The following KIAA0513 variants were observed in gnomAD, a reference collection of about 807,000 sequenced individuals.
KIAA0513 encodes uncharacterized protein KIAA0513.
Under a neutral mutation model 56.5 loss-of-function variants are expected in KIAA0513, and 39 were observed. The ratio of observed to expected loss-of-function variants is 0.69; its 90% confidence interval spans 0.53 to 0.90. KIAA0513 has a LOEUF of 0.90. KIAA0513 is among the 40% of genes least tolerant of loss of function. The probability of loss-of-function intolerance (pLI) is 0.00; values close to 1 mark genes in which losing one functional copy is unlikely to be tolerated. For synonymous variants in KIAA0513, 268 were observed against 215.6 expected (o/e 1.24, Z -2.13); for missense variants, 591 against 535.2 (o/e 1.10, Z -1.03).
intron 4 of KIAA0513, among the ~76,000 whole-genome samples, chr16:85,075,324 C>T (rs535190753): frequency 5.9e-5 from 9 of 152,186 alleles, no homozygotes; most frequent in African/African-American, 1.9e-4. Flanking sequence ...GATAGAAAGG[C>T]AAAGAAACCT....
intron 4 of KIAA0513, among the ~76,000 whole-genome samples, chr16:85,074,461 G>C (rs1418178600): frequency 6.6e-6 from 1 of 152,100 alleles, no homozygotes; most frequent in East Asian, 1.9e-4. Flanking sequence ...AGGATTACAG[G>C]CGTGAAACAC....
chr16:85,054,421 C>CTTTTTTTTTTTT (rs398042273), intron 1 of KIAA0513, among the ~76,000 whole-genome samples: 160 of 119,534 alleles, frequency 1.3e-3, no homozygotes, highest in East Asian at 2.6e-3. Context: ...TTTTTCTTTT[C>CTTTTTTTTTTTT]TTTTTTTTTT....
At chr16:85,071,990 A>G in intron 3 of KIAA0513, 108 bp downstream of exon 3, 1 of 763,236 alleles carries the variant, frequency 1.3e-6, no homozygotes. Context: ...GAAAAGAGTC[A>G]AGGGAAAGGA....
Position 85,088,268 on chromosome 16 carries a change from T to A in KIAA0513, c.1187-8T>A, listed in dbSNP as rs1052436039. On this transcript the variant is annotated splice_polypyrimidine_tract_variant and splice_region_variant and intron_variant, in intron 12 of 12. Coordinates refer to ENST00000683363, the MANE Select transcript of KIAA0513 (RefSeq NM_001388359.1). ...TCATCTGAGAAATAACATCACTTTC[T>A]CTTCCAGAGCAATACAAGCTGCTTA... 1 of 1,612,206 alleles carries A rather than the reference T, an allele frequency of 6.2e-7. No homozygotes were observed. The highest frequency in any genetic ancestry group is 8.5e-7 in the Non-Finnish European group (1 of 1,179,498).
chr16:85,075,332 C>T (rs531623876), intron 4 of KIAA0513, among the ~76,000 whole-genome samples: 28 of 152,082 alleles, frequency 1.8e-4, no homozygotes, highest in Non-Finnish European at 3.8e-4. Context: ...GGCAAAGAAA[C>T]CTACAAGGCA....
intron 1 of KIAA0513, among the ~76,000 whole-genome samples, chr16:85,034,450 G>C (rs2073008138): frequency 6.6e-6 from 1 of 152,184 alleles, no homozygotes; most frequent in African/African-American, 2.4e-5. Flanking sequence ...GGGGAAGGAA[G>C]GTGCTTAGCA....
chr16:85,086,230 C>T (rs1296890523), intron 10 of KIAA0513, among the ~76,000 whole-genome samples: 2 of 152,232 alleles, frequency 1.3e-5, no homozygotes, highest in Non-Finnish European at 2.9e-5. Context: ...GGCCCGCTGT[C>T]CTGGGACGTT....
chr16:85,084,056 ATTTTTTT>A (rs66814882), intron 10 of KIAA0513, among the ~76,000 whole-genome samples: 2 of 70,770 alleles, frequency 2.8e-5, no homozygotes, highest in African/African-American at 1.2e-4. Context: ...AACTCTTCTA[ATTTTTTT>A]TTTTTTTTTT....
rs1396564650 is a variant in KIAA0513 at position 85,094,205 on chromosome 16, GAAAT to G, written c.*5884_*5887del. ...CTTGAGTTGTCAGAAGGTAGAAACT[GAAAT>G]AAACTAACTTTAAAAAAAAAAGTCT... On this transcript the variant is annotated 3_prime_UTR_variant, in exon 13 of 13. Transcript: ENST00000683363. The G allele has an allele frequency of 6.6e-6, 1 of 151,960 alleles. No homozygotes were observed. Among genetic ancestry groups the G allele is most frequent in the Non-Finnish European group, 1.5e-5 (1 of 67,980 alleles). 9.4% of individuals were successfully genotyped at this position (151,960 alleles called of 1,614,324 possible). A position where few individuals can be genotyped will look rare whatever the true frequency, so the allele number is the denominator to read the frequency against.
intron 1 of KIAA0513, among the ~76,000 whole-genome samples, chr16:85,044,812 GCTC>G (rs2073149847): frequency 6.6e-6 from 1 of 151,636 alleles, no homozygotes; most frequent in Admixed American, 6.6e-5. Context: ...AGGCAGTAAT[GCTC>G]CTCTTAAGAA....
intron 1 of KIAA0513, among the ~76,000 whole-genome samples, chr16:85,041,708 G>A (rs765132749): frequency 3.3e-5 from 5 of 152,256 alleles, no homozygotes; most frequent in Middle Eastern, 3.4e-3. Context: ...TGAAATTCCC[G>A]GACTTGGCAC....
chr16:85,053,833 A>G (rs931052823), intron 1 of KIAA0513, among the ~76,000 whole-genome samples: 1 of 152,118 alleles, frequency 6.6e-6, no homozygotes, highest in East Asian at 1.9e-4. Flanking sequence ...CTCTACTAAA[A>G]ATACAAAAAT....
intron 1 of KIAA0513, among the ~76,000 whole-genome samples, chr16:85,045,919 G>C (rs1378768555): frequency 6.6e-6 from 1 of 152,140 alleles, no homozygotes; most frequent in Non-Finnish European, 1.5e-5. Context: ...TCCCATGGCT[G>C]TGCTCCTGCA....
intron 1 of KIAA0513, among the ~76,000 whole-genome samples, chr16:85,046,882 T>C (rs1304859916): frequency 1.3e-5 from 2 of 152,250 alleles, no homozygotes; most frequent in Non-Finnish European, 2.9e-5. Context: ...TTTTTTGTAA[T>C]AGCTGCTGTG....
At chr16:85,038,199 C>A (rs2073059767) in intron 1 of KIAA0513, among the ~76,000 whole-genome samples, 1 of 152,172 alleles carries the variant, frequency 6.6e-6, no homozygotes, top group Non-Finnish European at 1.5e-5. Context: ...AGGTCCATGC[C>A]CTTGAAGAGC....
intron 1 of KIAA0513, among the ~76,000 whole-genome samples, chr16:85,052,179 G>A (rs1193075850): frequency 1.3e-5 from 2 of 152,076 alleles, no homozygotes; most frequent in Non-Finnish European, 2.9e-5. Context: ...AATTAGCCGG[G>A]CATGGTGGCA....
rs910669654 is a variant in KIAA0513 at position 85,079,225 on chromosome 16, G to A, written c.902+222G>A. On this transcript the variant is annotated intron_variant, in intron 8 of 12. Coordinates refer to ENST00000683363, the MANE Select transcript of KIAA0513 (RefSeq NM_001388359.1). The stretch of plus-strand genomic sequence containing the variant: ...GGAGCAATGTAAATGAGCAGCCGCT[G>A]AGAAACAGTCTGGCAGTTCCTTTAA... 7.4e-6 allele frequency: 7 copies of A among 950,120 alleles called. No individual in the cohort carries two copies. The African/African-American group carries it at 1.2e-4, about 16-fold the overall frequency. The allele number at this position is 950,120 out of a possible 1,614,324, so 58.9% of individuals were successfully genotyped here.
intron 6 of KIAA0513, 59 bp from the exon 7 acceptor site, chr16:85,078,356 T>G: frequency 2.1e-4 from 339 of 1,585,536 alleles, no homozygotes; most frequent in Non-Finnish European, 2.6e-4. Flanking sequence ...ACAGCGTCTT[T>G]GAGTTGAGAA....
intron 1 of KIAA0513, among the ~76,000 whole-genome samples, chr16:85,066,077 G>A (rs1597622513): frequency 6.6e-6 from 1 of 152,182 alleles, no homozygotes; most frequent in Non-Finnish European, 1.5e-5. Context: ...CAGAGATACT[G>A]GTGTCTGTCA....
Sources: allele counts gnomAD v4.1 joint callset (sites outside exome capture counted in the v4.1 genomes callset), GRCh38; gene constraint gnomAD v4.1.1; transcripts MANE v1.5; gene names NCBI Gene and HGNC (gene_info 2026-07-23, HGNC 2026-07-21).